CACNA1S: variants seen among roughly 807,000 people sequenced by gnomAD.
CACNA1S encodes the protein calcium voltage-gated channel subunit alpha1 S.
In CACNA1S, 126 loss-of-function variants were observed where a neutral mutation model predicts 207.4. The observed-to-expected ratio is 0.61, with a 90% CI of 0.53 to 0.70. The LOEUF (loss-of-function observed/expected upper bound fraction) is 0.70, where lower values mean the gene tolerates loss of function less well. Among genes scored for constraint, CACNA1S ranks in the 30% least tolerant of loss-of-function variants. The probability of loss-of-function intolerance (pLI) is 0.00; values close to 1 mark genes in which losing one functional copy is unlikely to be tolerated. For synonymous variants in CACNA1S, 960 were observed against 932.7 expected (o/e 1.03, Z -0.53); for missense variants, 2,349 against 2,422.8 (o/e 0.97, Z 0.64).
chr1:201,053,651 C>T lies in CACNA1S; in HGVS notation c.3667-64G>A, dbSNP rs141306828. 1.9e-3 allele frequency: 1,208 copies of T among 624,354 alleles called. 7 individuals are homozygous for T. In the African/African-American group the frequency reaches 0.02, roughly 10 times the overall value. The allele number at this position is 624,354 out of a possible 1,614,324, so 38.7% of individuals were successfully genotyped here. A position where few individuals can be genotyped will look rare whatever the true frequency, so the allele number is the denominator to read the frequency against. ...AACCTCAGAGGGGTAAGGGGCAGGG[C>T]GGGGAGGGAGGTGCACTGTGTGTTT... is the stretch of plus-strand genomic sequence containing the variant. On this transcript the variant is annotated intron_variant, in intron 29 of 43. Transcript: ENST00000362061. The surrounding 1 kb of genome is among the most constrained non-coding windows in gnomAD (Gnocchi z 5.1).
In CACNA1S at chr1:201,041,568, G is replaced by C. The variant is rs745560705; in HGVS notation, c.5070C>G (p.Phe1690Leu). ...TAGCAGGCGTCTCTGTCTCTTCTGG[G>C]AACTCCCTTTCATAGTGGACACTGA... is the stretch of plus-strand genomic sequence containing the variant. Reference protein sequence around the residue: ...VFSSVHYEREFPEETETPATR... With the variant: ...VFSSVHYERELPEETETPATR... The change falls in exon 41 of 44, where the codon TTC becomes TTG. Residue 1690 changes from phenylalanine to leucine, a missense_variant. Transcript: ENST00000362061. 6.2e-7 allele frequency: 1 copy of C among 1,614,048 alleles called. No individual in the cohort carries two copies. Among genetic ancestry groups the C allele is most frequent in the Non-Finnish European group, 8.5e-7 (1 of 1,179,888 alleles).
In CACNA1S at chr1:201,091,956, G is replaced by A; in HGVS notation, c.541+16C>T. On this transcript the variant is annotated intron_variant, in intron 4 of 43. Coordinates refer to ENST00000362061, the MANE Select transcript of CACNA1S (RefSeq NM_000069.3). ...AGGGAGAGGAGAAAGGGGTCTGCAG[G>A]GACACTGCCACCCACTAGGCACCCC... is the stretch of plus-strand genomic sequence containing the variant. 6.2e-7 allele frequency: 1 copy of A among 1,613,910 alleles called. No homozygotes were observed. The highest frequency in any genetic ancestry group is 1.1e-5 in the South Asian group (1 of 91,056).
chr1:201,103,229 G>C (rs1662742910), intron 2 of CACNA1S, among the ~76,000 whole-genome samples: 1 of 86,714 alleles, frequency 1.2e-5, no homozygotes, highest in Non-Finnish European at 2.0e-5. Flanking sequence ...CTGGGTGACA[G>C]AGGAGACTTG....
rs746543020 is a variant in CACNA1S at position 201,058,438 on chromosome 1, G to A, written c.3579C>T (p.Ser1193=). 6.2e-6 allele frequency: 10 copies of A among 1,614,072 alleles called. No homozygotes were observed. The Admixed American group carries it at 1.7e-4, about 27-fold the overall frequency. ...TCTCACTGAGGATGACATCAATGAT[G>A]CTGCCAATGACAATCAGGAAGTCAA... ...NVFDFLIVIG[S]IIDVILSEID... The change falls in exon 28 of 44, where the codon AGC becomes AGT. Residue 1193 remains serine (S), a synonymous_variant. Transcript: ENST00000362061.
At chr1:201,085,290 C>T (rs373623570) in intron 8 of CACNA1S, 146 bp downstream of exon 8, 1 of 1,103,124 alleles carries the variant, frequency 9.1e-7, no homozygotes, top group Non-Finnish European at 1.4e-6. Flanking sequence ...TGGATCTTAC[C>T]ATTTTGAGCC....
chr1:201,080,129 C>G (rs951205286), intron 10 of CACNA1S, among the ~76,000 whole-genome samples: 2 of 152,178 alleles, frequency 1.3e-5, no homozygotes, highest in African/African-American at 4.8e-5. Context: ...CCATCCCCTC[C>G]AATGCGTCCC....
At chr1:201,052,685 A>G (rs761622345) in intron 31 of CACNA1S, 37 bp from the exon 32 acceptor site, 9 of 1,522,850 alleles carry the variant, frequency 5.9e-6, no homozygotes, top group Non-Finnish European at 8.2e-6. Flanking sequence ...TGGAACCTAG[A>G]TTAAAGTGTC....
At chr1:201,104,284 T>C (rs1662796963) in intron 2 of CACNA1S, among the ~76,000 whole-genome samples, 1 of 152,058 alleles carries the variant, frequency 6.6e-6, no homozygotes, top group South Asian at 2.1e-4. Flanking sequence ...GTAGGACACA[T>C]CTCCGCCCCT....
chr1:201,100,738 G>A (rs1272061028), intron 2 of CACNA1S, among the ~76,000 whole-genome samples: 1 of 152,168 alleles, frequency 6.6e-6, no homozygotes, highest in East Asian at 1.9e-4. Flanking sequence ...GGAGACCAGT[G>A]CTGTCTTGGG....
At chr1:201,106,363 C>G (rs1341298090) in intron 2 of CACNA1S, among the ~76,000 whole-genome samples, 1 of 152,048 alleles carries the variant, frequency 6.6e-6, no homozygotes, top group African/African-American at 2.4e-5. Context: ...CACATGGGGC[C>G]TGAGAGATTT....
Position 201,066,858 on chromosome 1 carries a change from GCC to G in CACNA1S, c.2657+27_2657+28del. On this transcript the variant is annotated intron_variant, in intron 20 of 43. Coordinates refer to ENST00000362061, the MANE Select transcript of CACNA1S (RefSeq NM_000069.3). The surrounding 1 kb of genome is among the most constrained non-coding windows in gnomAD (Gnocchi z 4.3). ...TGGCACAGAGCAGAGGGTGGTCTGT[GCC>G]CAGGGCTGGCCCTTGCCGCTGCTCA... 3 of 1,536,118 alleles carry G rather than the reference GCC, an allele frequency of 2.0e-6. No homozygotes were observed. Among genetic ancestry groups the G allele is most frequent in the Non-Finnish European group, 2.7e-6 (3 of 1,109,482 alleles).
At chr1:201,086,046 T>C (rs980088629) in intron 7 of CACNA1S, among the ~76,000 whole-genome samples, 2 of 151,290 alleles carry the variant, frequency 1.3e-5, no homozygotes, top group Non-Finnish European at 3.0e-5. Flanking sequence ...TTGGCATGGC[T>C]GGAAGAAAAG....
At chr1:201,108,107 T>A (rs1345438969) in intron 2 of CACNA1S, among the ~76,000 whole-genome samples, 2 of 64,224 alleles carry the variant, frequency 3.1e-5, no homozygotes, top group African/African-American at 1.4e-4. Context: ...AAGATGTAAT[T>A]TTTTTTTTTT....
chr1:201,070,236 C>T (rs370779933), intron 17 of CACNA1S, 36 bp downstream of exon 17: 91 of 1,612,864 alleles, frequency 5.6e-5, no homozygotes, highest in Non-Finnish European at 6.9e-5. Context: ...ATGAGAGCCG[C>T]ATCAATCACC....
chr1:201,084,303 C>CGT lies in CACNA1S; in HGVS notation c.1232+645_1232+646dup, dbSNP rs779410972. Among the ~76,000 whole-genome samples the CGT allele has an allele frequency of 1.6e-4, 25 of 151,874 alleles. 1 individual carries two copies. The highest frequency in any genetic ancestry group is 1.5e-3 in the South Asian group (7 of 4,810). ...AAACAAAAACAAAAAAATCCTGGCA[C>CGT]GTGTGTGTGTGTGCAAGACGGATGA... is the stretch of plus-strand genomic sequence containing the variant. On this transcript the variant is annotated intron_variant, in intron 9 of 43. Transcript: ENST00000362061.
At chr1:201,063,300 C>CT (rs879667613) in intron 22 of CACNA1S, among the ~76,000 whole-genome samples, 428 of 142,544 alleles carry the variant, frequency 3.0e-3, no homozygotes, top group Middle Eastern at 0.01. Flanking sequence ...ATGGCTAGGT[C>CT]TTTTTTTTTT....
intron 2 of CACNA1S, among the ~76,000 whole-genome samples, chr1:201,098,511 A>G (rs557417444): frequency 6.6e-6 from 1 of 152,214 alleles, no homozygotes; most frequent in African/African-American, 2.4e-5. Flanking sequence ...AGTAGAAATT[A>G]AAAACGACGA....
At position 201,085,610 on chromosome 1, in the gene CACNA1S, G is replaced by A. The variant is rs2296385; in HGVS notation, c.1005-29C>T. The A allele has an allele frequency of 1.7e-3, 2,749 of 1,613,192 alleles. 82 individuals carry two copies. The East Asian group carries it at 0.053, about 31-fold the overall frequency. On this transcript the variant is annotated intron_variant, in intron 7 of 43. Coordinates refer to ENST00000362061, the MANE Select transcript of CACNA1S (RefSeq NM_000069.3). ...AAATGAGATGGGGGAGCCAGGAGAG[G>A]AGGAGAAGAGGGAACAGTGTCAAGG...
At chr1:201,085,785 C>A (rs1662018810) in intron 7 of CACNA1S, among the ~76,000 whole-genome samples, 1 of 152,048 alleles carries the variant, frequency 6.6e-6, no homozygotes, top group Admixed American at 6.6e-5. Flanking sequence ...CCCCACCCTC[C>A]AGGAACATCC....
Sources: allele counts gnomAD v4.1 joint callset (sites outside exome capture counted in the v4.1 genomes callset), GRCh38; gene constraint gnomAD v4.1.1; non-coding constraint Gnocchi (gnomAD v3.1); transcripts MANE v1.5; gene names NCBI Gene and HGNC (gene_info 2026-07-23, HGNC 2026-07-21).